SESTD1: variants seen among roughly 807,000 people sequenced by gnomAD.
The protein encoded by SESTD1 is SEC14 and spectrin domain containing 1.
Under a neutral mutation model 101.7 loss-of-function variants are expected in SESTD1, and 43 were observed. That is an observed-to-expected ratio of 0.42 (90% CI 0.33 to 0.55). The LOEUF is 0.55. SESTD1 is among the 20% of genes least tolerant of loss of function. The pLI, the probability that SESTD1 is intolerant of heterozygous loss-of-function variation, is 0.07. For missense variants in SESTD1, 647 were observed against 815.1 expected (o/e 0.79, Z 2.51); for synonymous variants, 283 against 286.8 (o/e 0.99, Z 0.13).
intron 12 of SESTD1, 132 bp from the exon 13 acceptor site, chr2:179,122,061 T>G (rs1575425128): frequency 1.4e-6 from 1 of 707,618 alleles, no homozygotes; most frequent in East Asian, 3.3e-5. Context: ...CACCTTGGGA[T>G]GGAATCCCAA....
chr2:179,123,701 T>A lies in SESTD1; in HGVS notation c.1282+14A>T, dbSNP rs566588960. 30 of 1,593,632 alleles carry A rather than the reference T, an allele frequency of 1.9e-5. No homozygotes were observed. In the African/African-American group the frequency reaches 2.2e-4, roughly 11 times the overall value. On this transcript the variant is annotated intron_variant, in intron 12 of 17. Transcript: ENST00000428443. ...AAAAAACCTTATGTTTCAGCATTTT[T>A]AAAATCTGCTTACCAACACTTTTCA... is the stretch of plus-strand genomic sequence containing the variant.
chr2:179,246,491 T>C (rs1185750156), intron 1 of SESTD1, among the ~76,000 whole-genome samples: 1 of 151,992 alleles, frequency 6.6e-6, no homozygotes, highest in Non-Finnish European at 1.5e-5. Context: ...CTCGCTCTCT[T>C]TCTCTCTCTC....
At chr2:179,188,601 T>C (rs915036901) in intron 2 of SESTD1, among the ~76,000 whole-genome samples, 2 of 152,048 alleles carry the variant, frequency 1.3e-5, no homozygotes, top group African/African-American at 4.8e-5. Context: ...TTTGTACTAC[T>C]GATCTCCACC....
At chr2:179,226,251 G>A (rs10930857) in intron 1 of SESTD1, among the ~76,000 whole-genome samples, 24,685 of 152,118 alleles carry the variant, frequency 0.16, 2,446 homozygotes, top group African/African-American at 0.28. Flanking sequence ...AGCCCAGTGT[G>A]GGGAAAAATC....
chr2:179,160,307 G>A (rs186179384), intron 5 of SESTD1, among the ~76,000 whole-genome samples: 27 of 152,122 alleles, frequency 1.8e-4, no homozygotes, highest in South Asian at 6.2e-4. Context: ...ATATGAAAAC[G>A]AAGAAACAAT....
intron 1 of SESTD1, among the ~76,000 whole-genome samples, chr2:179,239,185 T>C (rs1230362169): frequency 1.3e-5 from 2 of 152,174 alleles, no homozygotes; most frequent in African/African-American, 4.8e-5. Context: ...TAGGATGCTA[T>C]AAGCTCTGTA....
At chr2:179,162,189 CAAATCTCCCAAACT>C (rs1197960279) in intron 5 of SESTD1, among the ~76,000 whole-genome samples, 1 of 151,694 alleles carries the variant, frequency 6.6e-6, no homozygotes, top group Non-Finnish European at 1.5e-5. Context: ...GAGCAACTGA[CAAATCTCCCAAACT>C]AGTCAACTAA....
At chr2:179,115,934 T>A (rs1008977171) in intron 15 of SESTD1, among the ~76,000 whole-genome samples, 1 of 152,160 alleles carries the variant, frequency 6.6e-6, no homozygotes, top group Non-Finnish European at 1.5e-5. Flanking sequence ...ATATTCCATA[T>A]AGGAAACTAC....
chr2:179,187,604 AG>A (rs771920033), intron 2 of SESTD1, among the ~76,000 whole-genome samples: 28 of 152,206 alleles, frequency 1.8e-4, no homozygotes, highest in Non-Finnish European at 2.8e-4. Context: ...ACTGCACTCC[AG>A]CCTGGGTGGC....
Position 179,247,557 on chromosome 2 carries a change from T to C in SESTD1, c.-26+16942A>G, listed in dbSNP as rs181967182. ...CCTCCCACATCAGCTCCTAAGTAGC[T>C]AGGACTACAGGCATGTACCACCACA... On this transcript the variant is annotated intron_variant, in intron 1 of 17. Coordinates refer to ENST00000428443, the MANE Select transcript of SESTD1 (RefSeq NM_178123.5). 3.7e-3 allele frequency among the ~76,000 whole-genome samples: 569 copies of C among 152,198 alleles called. 5 individuals are homozygous for C. The highest frequency in any genetic ancestry group is 6.7e-3 in the Non-Finnish European group (453 of 68,036).
intron 1 of SESTD1, among the ~76,000 whole-genome samples, chr2:179,229,467 G>A (rs2046942038): frequency 6.6e-6 from 1 of 151,930 alleles, no homozygotes; most frequent in Non-Finnish European, 1.5e-5. Flanking sequence ...TTTGCAGATG[G>A]TGGGACTTCT....
chr2:179,182,942 G>T, intron 3 of SESTD1, 138 bp downstream of exon 3: 2 of 522,998 alleles, frequency 3.8e-6, no homozygotes, highest in Admixed American at 3.8e-5. Context: ...ATAAGTCATT[G>T]ATTTTAGTAT....
chr2:179,136,861 T>C (rs2045157728), intron 9 of SESTD1, among the ~76,000 whole-genome samples: 1 of 152,112 alleles, frequency 6.6e-6, no homozygotes, highest in African/African-American at 2.4e-5. Flanking sequence ...TCTCTTTGCC[T>C]CAAAAAACCA....
chr2:179,125,570 G>C (rs1277786069), intron 10 of SESTD1, among the ~76,000 whole-genome samples: 1 of 152,164 alleles, frequency 6.6e-6, no homozygotes, highest in Non-Finnish European at 1.5e-5. Flanking sequence ...TTGTTACAAG[G>C]CTTAGAGGGA....
At chr2:179,234,783 C>A (rs1189113905) in intron 1 of SESTD1, among the ~76,000 whole-genome samples, 1 of 151,974 alleles carries the variant, frequency 6.6e-6, no homozygotes, top group Non-Finnish European at 1.5e-5. Context: ...AAAAATATTT[C>A]TAAAAAATAA....
At chr2:179,127,881 C>G (rs1559102626) in intron 10 of SESTD1, among the ~76,000 whole-genome samples, 1 of 152,188 alleles carries the variant, frequency 6.6e-6, no homozygotes, top group Non-Finnish European at 1.5e-5. Flanking sequence ...TTATCACTGT[C>G]ATGCTCTAAA....
At chr2:179,160,563 TAA>T (rs892481074) in intron 5 of SESTD1, among the ~76,000 whole-genome samples, 11 of 151,992 alleles carry the variant, frequency 7.2e-5, no homozygotes, top group African/African-American at 2.7e-4. Flanking sequence ...CTGTTCTAAT[TAA>T]GTGACCAATT....
chr2:179,125,391 T>C (rs902100842), intron 10 of SESTD1, among the ~76,000 whole-genome samples: 3 of 152,188 alleles, frequency 2.0e-5, no homozygotes, highest in African/African-American at 7.2e-5. Flanking sequence ...CCCATGCCCC[T>C]GCCTGGCTTT....
chr2:179,225,314 T>C (rs2046869496), intron 1 of SESTD1, among the ~76,000 whole-genome samples: 1 of 152,130 alleles, frequency 6.6e-6, no homozygotes, highest in Admixed American at 6.6e-5. Context: ...ACTCTTAAGC[T>C]CTAAGTTATA....
Sources: gnomAD v4.1 joint callset for allele counts (sites outside exome capture counted in the v4.1 genomes callset) on GRCh38, gnomAD v4.1.1 for gene constraint, MANE v1.5 for transcripts, NCBI Gene and HGNC (gene_info 2026-07-23, HGNC 2026-07-21) for gene names.